The following TAFA1 variants were observed in gnomAD, a reference collection of about 807,000 sequenced individuals.
The protein encoded by TAFA1 is chemokine-like protein TAFA-1.
TAFA1 carries 4 observed loss-of-function variants against 18.5 expected under a neutral mutation model. The ratio of observed to expected loss-of-function variants is 0.22; its 90% CI spans 0.11 to 0.49. The LOEUF (loss-of-function observed/expected upper bound fraction) is 0.49, where lower values mean the gene tolerates loss of function less well. Ranked by LOEUF, TAFA1 falls within the 20% of genes least tolerant of loss-of-function variation. The pLI, the probability that TAFA1 is intolerant of heterozygous loss-of-function variation, is 0.98. For missense variants in TAFA1, 147 were observed against 169.0 expected, an observed-to-expected ratio of 0.87 and a Z score of 0.72; for synonymous variants, 56 against 55.2, an observed-to-expected ratio of 1.01 and a Z score of -0.06.
At chr3:68,060,301 T>C in intron 2 of TAFA1, among the ~76,000 whole-genome samples, 1 of 152,132 alleles carries the variant, frequency 6.6e-6, no homozygotes, top group East Asian at 1.9e-4. Context: ...TCACAATCCC[T>C]GTCTTCCTCA....
chr3:68,356,670 T>A (rs1469616084), intron 2 of TAFA1, among the ~76,000 whole-genome samples: 1 of 151,826 alleles, frequency 6.6e-6, no homozygotes, highest in African/African-American at 2.4e-5. Flanking sequence ...TTATATGATT[T>A]CCCAAGATTA....
chr3:68,497,932 T>A (rs1449310729), intron 3 of TAFA1, among the ~76,000 whole-genome samples: 2 of 152,166 alleles, frequency 1.3e-5, no homozygotes, highest in Non-Finnish European at 2.9e-5. Context: ...AGGAAAATTA[T>A]CTCCACCTGG....
chr3:68,059,506 G>A (rs1178072583), intron 2 of TAFA1, among the ~76,000 whole-genome samples: 2 of 152,184 alleles, frequency 1.3e-5, no homozygotes, highest in African/African-American at 4.8e-5. Context: ...GGAAGGAACA[G>A]TACCCATCTC....
intron 3 of TAFA1, among the ~76,000 whole-genome samples, chr3:68,492,496 G>A (rs2072471391): frequency 6.6e-6 from 1 of 152,124 alleles, no homozygotes; most frequent in Admixed American, 6.5e-5. Context: ...GAATTCATCT[G>A]ATCTCTCCAT....
chr3:68,526,671 T>C (rs1436996479), intron 3 of TAFA1, among the ~76,000 whole-genome samples: 1 of 152,164 alleles, frequency 6.6e-6, no homozygotes, highest in Non-Finnish European at 1.5e-5. Flanking sequence ...ACTCTCATAA[T>C]GTACTTTTTA....
intron 2 of TAFA1, among the ~76,000 whole-genome samples, chr3:68,053,346 C>G (rs75908259): frequency 6.6e-6 from 1 of 152,190 alleles, no homozygotes; most frequent in African/African-American, 2.4e-5. Flanking sequence ...CTATTTAAAT[C>G]TTAACAGATG....
At chr3:68,156,448 TTAAG>T (rs924519598) in intron 2 of TAFA1, among the ~76,000 whole-genome samples, 1 of 152,154 alleles carries the variant, frequency 6.6e-6, no homozygotes, top group Non-Finnish European at 1.5e-5. Context: ...CTGCTTCTTA[TTAAG>T]TGAGATTTTA....
At chr3:68,242,670 T>C (rs2067014513) in intron 2 of TAFA1, among the ~76,000 whole-genome samples, 1 of 152,188 alleles carries the variant, frequency 6.6e-6, no homozygotes, top group African/African-American at 2.4e-5. Flanking sequence ...GCCATTTATT[T>C]GTCCTACTTA....
chr3:68,440,873 G>C (rs1332736082), intron 3 of TAFA1, among the ~76,000 whole-genome samples: 1 of 152,152 alleles, frequency 6.6e-6, no homozygotes, highest in Non-Finnish European at 1.5e-5. Context: ...TGACTTAAAG[G>C]TAGAGGAGCC....
intron 2 of TAFA1, among the ~76,000 whole-genome samples, chr3:68,360,895 C>T (rs931884844): frequency 4.0e-5 from 6 of 151,836 alleles, no homozygotes; most frequent in South Asian, 2.1e-4. Flanking sequence ...ATTAAGCTGG[C>T]GAGAGGCTTT....
At chr3:68,165,942 A>G (rs1227736954) in intron 2 of TAFA1, among the ~76,000 whole-genome samples, 1 of 152,244 alleles carries the variant, frequency 6.6e-6, no homozygotes, top group East Asian at 1.9e-4. Context: ...TTAAATGGTC[A>G]TGGAGGACTG....
intron 2 of TAFA1, among the ~76,000 whole-genome samples, chr3:68,181,411 G>A (rs2066197756): frequency 6.6e-6 from 1 of 150,692 alleles, no homozygotes; most frequent in African/African-American, 2.4e-5. Context: ...TTAGAATTAT[G>A]TAAGTGAAGG....
chr3:68,148,465 C>T (rs2106916438), intron 2 of TAFA1, among the ~76,000 whole-genome samples: 1 of 152,260 alleles, frequency 6.6e-6, no homozygotes, highest in Admixed American at 6.5e-5. Context: ...ATTGTCTTGT[C>T]TTCCAAAATT....
intron 2 of TAFA1, among the ~76,000 whole-genome samples, chr3:68,338,515 T>C (rs748041658): frequency 3.3e-5 from 5 of 152,132 alleles, no homozygotes; most frequent in Non-Finnish European, 7.3e-5. Flanking sequence ...CCATATTCTG[T>C]GTTGAACCCT....
chr3:68,386,576 AG>A (rs1433565261), intron 2 of TAFA1, among the ~76,000 whole-genome samples: 1 of 152,118 alleles, frequency 6.6e-6, no homozygotes, highest in Non-Finnish European at 1.5e-5. Flanking sequence ...AGCTACAGAT[AG>A]GTTTTTCTAC....
chr3:68,311,013 G>A (rs555230129), intron 2 of TAFA1, among the ~76,000 whole-genome samples: 1 of 152,260 alleles, frequency 6.6e-6, no homozygotes, highest in East Asian at 1.9e-4. Flanking sequence ...GGCTGGGGAG[G>A]CCTCACAATC....
At chr3:68,337,083 T>C (rs973154381) in intron 2 of TAFA1, among the ~76,000 whole-genome samples, 2 of 152,176 alleles carry the variant, frequency 1.3e-5, no homozygotes, top group East Asian at 1.9e-4. Context: ...TATTGAGATA[T>C]AGTTGGTGTA....
chr3:68,393,008 G>A (rs930754819), intron 2 of TAFA1, among the ~76,000 whole-genome samples: 27 of 152,072 alleles, frequency 1.8e-4, no homozygotes, highest in African/African-American at 6.3e-4. Context: ...ACTAAGATCA[G>A]AACAGAACTG....
chr3:68,424,381 A>G lies in TAFA1; in HGVS notation c.259+6961A>G, dbSNP rs868359138. Among the ~76,000 whole-genome samples, 17 of 152,188 alleles carry G rather than the reference A, an allele frequency of 1.1e-4. 2 individuals are homozygous for G. The South Asian group carries it at 3.5e-3, about 32-fold the overall frequency. ...TAATAAAGAAATGCTTAGAAGGAAC[A>G]TTAATACATCTATCCATAAAATGGC... On this transcript the variant is annotated intron_variant, in intron 3 of 4. Coordinates refer to ENST00000478136, the MANE Select transcript of TAFA1 (RefSeq NM_213609.4).
Sources: gnomAD v4.1 joint callset for allele counts (sites outside exome capture counted in the v4.1 genomes callset) on GRCh38, gnomAD v4.1.1 for gene constraint, MANE v1.5 for transcripts, NCBI Gene and HGNC (gene_info 2026-07-23, HGNC 2026-07-21) for gene names.